Variants in KLHL7 observed in about 807,000 individuals in gnomAD.
KLHL7 encodes kelch like family member 7, also known as kelch-like protein 7.
A neutral mutation model predicts 67.4 loss-of-function variants in KLHL7; 44 were observed. The ratio of observed to expected loss-of-function variants is 0.65; its 90% CI spans 0.51 to 0.84. The LOEUF (loss-of-function observed/expected upper bound fraction) is 0.84, where lower values mean the gene tolerates loss of function less well. Among genes scored for constraint, KLHL7 ranks in the 40% least tolerant of loss-of-function variants. The probability of loss-of-function intolerance (pLI) is 0.00; values close to 1 mark genes in which losing one functional copy is unlikely to be tolerated. For synonymous variants in KLHL7, 252 were observed against 243.3 expected (o/e 1.04, Z -0.33); for missense variants, 362 against 718.1 (o/e 0.50, Z 5.67).
intron 4 of KLHL7, chr7:23,125,891 TCCAA>T: frequency 6.5e-7 from 1 of 1,538,736 alleles, no homozygotes; most frequent in Non-Finnish European, 8.8e-7. Flanking sequence ...CAGGATACGT[TCCAA>T]GACCCCCAGT....
intron 7 of KLHL7, among the ~76,000 whole-genome samples, chr7:23,153,946 A>T (rs554892369): frequency 1.2e-3 from 179 of 152,342 alleles, no homozygotes; most frequent in African/African-American, 4.0e-3. Context: ...ACTTTTCTAT[A>T]AAGGGCCAGA....
chr7:23,161,107 C>T (rs745608991), intron 7 of KLHL7, among the ~76,000 whole-genome samples: 38 of 152,068 alleles, frequency 2.5e-4, no homozygotes, highest in Non-Finnish European at 4.1e-4. Flanking sequence ...ATTGTATTTT[C>T]GTTGTTATTT....
At chr7:23,120,663 C>T (rs1176899843) in intron 1 of KLHL7, among the ~76,000 whole-genome samples, 1 of 152,100 alleles carries the variant, frequency 6.6e-6, no homozygotes, top group Non-Finnish European at 1.5e-5. Context: ...AACTCCTGGG[C>T]TCAAGTGATC....
chr7:23,138,350 T>C (rs1022088917), intron 4 of KLHL7, among the ~76,000 whole-genome samples: 5 of 148,050 alleles, frequency 3.4e-5, no homozygotes, highest in Non-Finnish European at 7.4e-5. Context: ...TACTCCCAGC[T>C]ACTTGGGAGG....
At chr7:23,120,594 G>T (rs1783294388) in intron 1 of KLHL7, among the ~76,000 whole-genome samples, 1 of 151,552 alleles carries the variant, frequency 6.6e-6, no homozygotes, top group South Asian at 2.1e-4. Context: ...TTAGAGACAG[G>T]CTTGCTCTGT....
In KLHL7 at chr7:23,140,892, G is replaced by T; in HGVS notation, c.566G>T (p.Arg189Leu). The T allele has an allele frequency of 6.2e-7, 1 of 1,614,016 alleles. No homozygotes were observed. The highest frequency in any genetic ancestry group is 1.3e-5 in the African/African-American group (1 of 75,034). The change falls in exon 5 of 11, where the codon CGA becomes CTA. Residue 189 changes from arginine to leucine, a missense_variant. This residue lies in a region of KLHL7 where 155 missense variants were observed against 280.8 expected (regional missense o/e 0.55). Transcript: ENST00000339077. ...GAATTTCTTCAACTTGATGTCAAGC[G>T]AGTAACACATCTTCTCAACCAGGAC... ...TDEFLQLDVK[R>L]VTHLLNQDTL...
At chr7:23,165,596 A>G in intron 7 of KLHL7, 102 bp from the exon 8 acceptor site, 1 of 1,295,972 alleles carries the variant, frequency 7.7e-7, no homozygotes, top group South Asian at 1.2e-5. Context: ...GTAGTCTAAT[A>G]AATTAACATA....
rs1785292127 is a variant in KLHL7, at chr7:23,176,167, GA to G, written c.*1872del. The G allele has an allele frequency of 6.6e-6, 1 of 151,996 alleles. No homozygotes were observed. Among genetic ancestry groups the G allele is most frequent in the Non-Finnish European group, 1.5e-5 (1 of 68,018 alleles). 9.4% of individuals were successfully genotyped at this position (151,996 alleles called of 1,614,324 possible). A position where few individuals can be genotyped will look rare whatever the true frequency, so the allele number is the denominator to read the frequency against. On this transcript the variant is annotated 3_prime_UTR_variant, in exon 11 of 11. Coordinates refer to ENST00000339077, the MANE Select transcript of KLHL7 (RefSeq NM_001031710.3). The stretch of plus-strand genomic sequence containing the variant: ...GCAAACTTGGTGGCTTTAAAGAACA[GA>G]AATTTATTCTCTCACAATTCAGGAA...
At chr7:23,111,956 G>A (rs1376279582) in intron 1 of KLHL7, among the ~76,000 whole-genome samples, 3 of 152,098 alleles carry the variant, frequency 2.0e-5, no homozygotes, top group Admixed American at 1.3e-4. Context: ...TTGGACTGAG[G>A]TGATGACAGT....
intron 7 of KLHL7, 34 bp downstream of exon 7, chr7:23,152,243 T>C (rs1218390224): frequency 6.2e-7 from 1 of 1,600,934 alleles, no homozygotes; most frequent in East Asian, 2.2e-5. Flanking sequence ...TTTGTTGTTG[T>C]CTTTGAAATC....
chr7:23,144,520 C>A (rs1238543598), intron 6 of KLHL7, among the ~76,000 whole-genome samples: 1 of 152,158 alleles, frequency 6.6e-6, no homozygotes, highest in Non-Finnish European at 1.5e-5. Context: ...GCTTTTCTTT[C>A]TTGGAAATAT....
At chr7:23,151,291 A>G (rs1291947505) in intron 6 of KLHL7, among the ~76,000 whole-genome samples, 1 of 151,990 alleles carries the variant, frequency 6.6e-6, no homozygotes, top group Non-Finnish European at 1.5e-5. Context: ...ATTGTTGTCT[A>G]ACATAGACCA....
In KLHL7 at chr7:23,140,591, A is replaced by G. The variant is rs1784147452; in HGVS notation, c.443-178A>G. On this transcript the variant is annotated intron_variant, in intron 4 of 10. Transcript: ENST00000339077. ...AAAAACAAAAAACAAAAAAAAAACC[A>G]GTCTTTTATAAGACAGTATAGTATT... 5.9e-6 allele frequency: 4 copies of G among 672,508 alleles called. No homozygotes were observed. In the East Asian group the frequency reaches 1.1e-4, roughly 19 times the overall value. The allele number at this position is 672,508 out of a possible 1,614,324, so 41.7% of individuals were successfully genotyped here. A position where few individuals can be genotyped will look rare whatever the true frequency, so the allele number is the denominator to read the frequency against.
intron 7 of KLHL7, among the ~76,000 whole-genome samples, chr7:23,155,241 TGTCCTCACTGTGA>T (rs1784665445): frequency 6.6e-6 from 1 of 152,238 alleles, no homozygotes; most frequent in Non-Finnish European, 1.5e-5. Flanking sequence ...ATAAGCACAG[TGTCCTCACTGTGA>T]GGACACCGGC....
chr7:23,126,655 C>T (rs371387746), intron 4 of KLHL7, among the ~76,000 whole-genome samples: 1 of 152,106 alleles, frequency 6.6e-6, no homozygotes, highest in Non-Finnish European at 1.5e-5. Context: ...TTCCTCCTTC[C>T]GGACACTTTA....
intron 7 of KLHL7, among the ~76,000 whole-genome samples, chr7:23,163,251 A>G (rs984914122): frequency 6.6e-6 from 1 of 151,076 alleles, no homozygotes; most frequent in Admixed American, 6.6e-5. Context: ...GCTCACTGCA[A>G]CTTCTGCCTC....
Position 23,177,906 on chromosome 7 carries a change from T to C in KLHL7, c.*3608T>C, listed in dbSNP as rs1433438510. 5 of 152,170 alleles carry C rather than the reference T, an allele frequency of 3.3e-5. No homozygotes were observed. Among genetic ancestry groups the C allele is most frequent in the Non-Finnish European group, 4.4e-5 (3 of 68,022 alleles). 9.4% of individuals were successfully genotyped at this position (152,170 alleles called of 1,614,324 possible). On this transcript the variant is annotated 3_prime_UTR_variant, in exon 11 of 11. Transcript: ENST00000339077. ...AAATCAGCCGTTTAATAAACAATTA[T>C]TCCACCAAGCAGTCTATATTCCTTT...
intron 4 of KLHL7, among the ~76,000 whole-genome samples, chr7:23,130,087 T>C (rs1783740748): frequency 6.6e-6 from 1 of 152,238 alleles, no homozygotes; most frequent in Admixed American, 6.5e-5. Context: ...CCAGTTATCT[T>C]CTAGCAGTGT....
chr7:23,124,047 C>G (rs568826187), intron 2 of KLHL7, among the ~76,000 whole-genome samples, 168 bp downstream of exon 2: 3 of 151,956 alleles, frequency 2.0e-5, no homozygotes, highest in African/African-American at 4.8e-5. Flanking sequence ...GAAAAAATGT[C>G]CTTTCATTAG....
Sources: allele counts gnomAD v4.1 joint callset (sites outside exome capture counted in the v4.1 genomes callset), GRCh38; gene constraint gnomAD v4.1.1; regional missense constraint gnomAD v4.1.1; transcripts MANE v1.5; gene names NCBI Gene and HGNC (gene_info 2026-07-23, HGNC 2026-07-21).